The following SLC25A17 variants were observed in gnomAD, a reference collection of about 807,000 sequenced individuals.
SLC25A17 encodes the protein solute carrier family 25 member 17, also known as peroxisomal membrane protein PMP34.
SLC25A17 carries 26 observed loss-of-function variants against 38.5 expected under a neutral mutation model. The ratio of observed to expected loss-of-function variants is 0.68; its 90% confidence interval spans 0.50 to 0.94. The LOEUF (loss-of-function observed/expected upper bound fraction) is 0.94, where lower values mean the gene tolerates loss of function less well. SLC25A17 is among the 40% of genes least tolerant of loss of function. The pLI is 0.00. For synonymous variants in SLC25A17, 139 were observed against 136.2 expected, an observed-to-expected ratio of 1.02 and a Z score of -0.14; for missense variants, 333 against 372.7, an observed-to-expected ratio of 0.89 and a Z score of 0.88.
At chr22:40,786,745 G>C (rs1467479664) in intron 4 of SLC25A17, among the ~76,000 whole-genome samples, 1 of 152,178 alleles carries the variant, frequency 6.6e-6, no homozygotes, top group Non-Finnish European at 1.5e-5. Context: ...GTTGAATTCT[G>C]GGTATCATAA....
At chr22:40,775,657 G>T (rs1602587278) in intron 7 of SLC25A17, among the ~76,000 whole-genome samples, 1 of 151,256 alleles carries the variant, frequency 6.6e-6, no homozygotes, top group Non-Finnish European at 1.5e-5. Context: ...TAGAGACGGG[G>T]TTTCACCTTG....
chr22:40,801,141 A>G lies in SLC25A17; in HGVS notation c.55-2058T>C, dbSNP rs1602617701. ...AAAAATATATTACATATATATATAT[A>G]TATATATATATATATATATATATAT... On this transcript the variant is annotated intron_variant, in intron 1 of 8. Coordinates refer to ENST00000435456, the MANE Select transcript of SLC25A17 (RefSeq NM_006358.4). Among the ~76,000 whole-genome samples, 4 of 75,256 alleles carry G rather than the reference A, an allele frequency of 5.3e-5. No homozygotes were observed. In the South Asian group the frequency reaches 1.4e-3, roughly 26 times the overall value. The allele number at this position is 75,256 out of a possible 152,430, so 49.4% of individuals were successfully genotyped here. A position where few individuals can be genotyped will look rare whatever the true frequency, so the allele number is the denominator to read the frequency against.
At chr22:40,794,420 T>G in intron 3 of SLC25A17, 94 bp downstream of exon 3, 1 of 736,800 alleles carries the variant, frequency 1.4e-6, no homozygotes, top group South Asian at 1.7e-5. Context: ...ATTAGAGTGC[T>G]GTGAGAAAGA....
rs371813706 is a variant in SLC25A17 at position 40,772,032 on chromosome 22, A to T, written c.777-1051T>A. On this transcript the variant is annotated intron_variant, in intron 8 of 8. Transcript: ENST00000435456. ...ATTAAAAAATTAAAAAAAAAAAAAC[A>T]AAGCCATTATTAACATTTGTATACA... is the stretch of plus-strand genomic sequence containing the variant. Among the ~76,000 whole-genome samples the T allele has an allele frequency of 8.2e-5, 12 of 145,826 alleles. No homozygotes were observed. In the East Asian group the frequency reaches 2.1e-3, roughly 26 times the overall value.
intron 1 of SLC25A17, among the ~76,000 whole-genome samples, chr22:40,808,402 G>A (rs2057548805): frequency 6.6e-6 from 1 of 152,174 alleles, no homozygotes; most frequent in South Asian, 2.1e-4. Flanking sequence ...AGTGGCAGAG[G>A]CAAGGTTACA....
chr22:40,813,958 G>A (rs1225411233), intron 1 of SLC25A17: 1 of 152,478 alleles, frequency 6.6e-6, no homozygotes, highest in Non-Finnish European at 1.5e-5. Context: ...AGGAGCTTCA[G>A]AAAGGTAGAA....
intron 7 of SLC25A17, 134 bp downstream of exon 7, chr22:40,776,905 AG>A: frequency 1.3e-6 from 1 of 778,412 alleles, no homozygotes; most frequent in South Asian, 1.8e-5. Context: ...AAAAAAGAAA[AG>A]AAAAAAAACA....
chr22:40,776,845 T>C (rs966280539), intron 7 of SLC25A17, among the ~76,000 whole-genome samples, 195 bp downstream of exon 7: 7 of 151,958 alleles, frequency 4.6e-5, no homozygotes, highest in African/African-American at 1.5e-4. Flanking sequence ...TAGAGACCCA[T>C]GGTGCACCAC....
intron 4 of SLC25A17, among the ~76,000 whole-genome samples, chr22:40,785,098 G>C (rs1349148499): frequency 1.3e-5 from 2 of 152,064 alleles, no homozygotes; most frequent in African/African-American, 4.8e-5. Context: ...ATCAAACTCT[G>C]TTAGGCCAGG....
At chr22:40,812,485 A>G (rs1189358740) in intron 1 of SLC25A17, among the ~76,000 whole-genome samples, 1 of 152,196 alleles carries the variant, frequency 6.6e-6, no homozygotes, top group Non-Finnish European at 1.5e-5. Flanking sequence ...TTTTAAGCAT[A>G]AAACAATGAT....
At chr22:40,777,453 T>G in intron 5 of SLC25A17, 80 bp from the exon 6 acceptor site, 2 of 1,463,110 alleles carry the variant, frequency 1.4e-6, no homozygotes, top group South Asian at 2.6e-5. Flanking sequence ...TCTGTTGAAA[T>G]GTACCCAGAA....
At chr22:40,817,208 T>G (rs531724560) in intron 1 of SLC25A17, 1 of 152,260 alleles carries the variant, frequency 6.6e-6, no homozygotes, top group Non-Finnish European at 1.5e-5. Context: ...CTCACCTTAC[T>G]TGACCCATCA....
intron 3 of SLC25A17, among the ~76,000 whole-genome samples, chr22:40,794,289 A>G (rs2057408650): frequency 6.6e-6 from 1 of 152,234 alleles, no homozygotes; most frequent in Admixed American, 6.5e-5. Context: ...ATCAAGAATC[A>G]AATGGCTTAA....
intron 1 of SLC25A17, among the ~76,000 whole-genome samples, chr22:40,811,897 T>C (rs2035578890): frequency 6.6e-6 from 1 of 151,294 alleles, no homozygotes; most frequent in Non-Finnish European, 1.5e-5. Flanking sequence ...AAACTGAGAT[T>C]TGGAGGGGTC....
At chr22:40,809,041 GT>G (rs1177130980) in intron 1 of SLC25A17, among the ~76,000 whole-genome samples, 1 of 151,746 alleles carries the variant, frequency 6.6e-6, no homozygotes, top group Non-Finnish European at 1.5e-5. Flanking sequence ...ATCTTATGAC[GT>G]TTTGGAAAAT....
chr22:40,783,952 G>A lies in SLC25A17; in HGVS notation c.335-4827C>T, dbSNP rs773421724. On this transcript the variant is annotated intron_variant, in intron 4 of 8. Transcript: ENST00000435456. Reference sequence around the variant, plus strand: ...AACTCCTGACCTCGGTAATCCACCTGCCTCGGCCTCTCAAAGTGTTGGGAT... The same window carrying A: ...AACTCCTGACCTCGGTAATCCACCTACCTCGGCCTCTCAAAGTGTTGGGAT... 2.6e-5 allele frequency among the ~76,000 whole-genome samples: 4 copies of A among 152,188 alleles called. 1 individual carries two copies. Among genetic ancestry groups the A allele is most frequent in the Middle Eastern group, 3.4e-3 (1 of 294 alleles).
At chr22:40,778,112 G>A (rs867444609) in intron 5 of SLC25A17, among the ~76,000 whole-genome samples, 2 of 152,318 alleles carry the variant, frequency 1.3e-5, no homozygotes, top group Non-Finnish European at 1.5e-5. Context: ...GTATGGGAAA[G>A]GAGAACCTGG....
chr22:40,780,033 A>T lies in SLC25A17; in HGVS notation c.335-908T>A, dbSNP rs2057280965. On this transcript the variant is annotated intron_variant, in intron 4 of 8. Transcript: ENST00000435456. ...AACTCAGTAAAAAAGCACACATCCAACTGTCTGGCTCTAGTCAAGATCTGA... is the reference window on the plus strand; with the variant it reads ...AACTCAGTAAAAAAGCACACATCCATCTGTCTGGCTCTAGTCAAGATCTGA... 3 of 152,242 alleles carry T rather than the reference A, an allele frequency of 2.0e-5. 1 individual carries two copies. The South Asian group carries it at 6.2e-4, about 31-fold the overall frequency. 9.4% of individuals were successfully genotyped at this position (152,242 alleles called of 1,614,324 possible). A position where few individuals can be genotyped will look rare whatever the true frequency, so the allele number is the denominator to read the frequency against.
rs2057250022 is a variant in SLC25A17, at chr22:40,777,030, C to T, written c.693+10G>A. On this transcript the variant is annotated intron_variant, in intron 7 of 8. Coordinates refer to ENST00000435456, the MANE Select transcript of SLC25A17 (RefSeq NM_006358.4). ...GTTTGACTAAATGCGAAGAGAACTC[C>T]AGCACTCACCCTCAGAATTGACTGT... 1.2e-6 allele frequency: 2 copies of T among 1,612,222 alleles called. No homozygotes were observed. The highest frequency in any genetic ancestry group is 1.3e-5 in the African/African-American group (1 of 74,866).
Sources: allele counts gnomAD v4.1 joint callset (sites outside exome capture counted in the v4.1 genomes callset), GRCh38; gene constraint gnomAD v4.1.1; transcripts MANE v1.5; gene names NCBI Gene and HGNC (gene_info 2026-07-23, HGNC 2026-07-21).